SNX29: variants seen among roughly 807,000 people sequenced by gnomAD.
SNX29 encodes sorting nexin-29.
In SNX29, 78 loss-of-function variants were observed where a neutral mutation model predicts 102.1. The observed-to-expected ratio is 0.76, with a 90% CI of 0.64 to 0.92. The LOEUF (loss-of-function observed/expected upper bound fraction) is 0.92, where lower values mean the gene tolerates loss of function less well. Ranked by LOEUF, SNX29 falls within the 40% of genes least tolerant of loss-of-function variation. The pLI is 0.00. For missense variants in SNX29, 1,280 were observed against 1,061.7 expected (o/e 1.21, Z -2.86); for synonymous variants, 580 against 414.5 (o/e 1.40, Z -4.85).
chr16:12,519,800 G>T (rs975052727), intron 19 of SNX29, among the ~76,000 whole-genome samples: 2 of 152,102 alleles, frequency 1.3e-5, no homozygotes, highest in African/African-American at 4.8e-5. Flanking sequence ...CTGAGGGCAG[G>T]AGTTCGAGAC....
chr16:12,144,430 A>T (rs2054976900), intron 13 of SNX29, among the ~76,000 whole-genome samples: 1 of 152,214 alleles, frequency 6.6e-6, no homozygotes, highest in Non-Finnish European at 1.5e-5. Flanking sequence ...TTACCAAGCA[A>T]CAGTATAAAA....
chr16:12,202,693 ATCC>A (rs1245813653), intron 14 of SNX29, among the ~76,000 whole-genome samples: 1 of 152,100 alleles, frequency 6.6e-6, no homozygotes, highest in Non-Finnish European at 1.5e-5. Context: ...AGAGGAGGCG[ATCC>A]TCCTCCTCTC....
chr16:12,427,635 G>A (rs2085136040), intron 18 of SNX29, among the ~76,000 whole-genome samples: 1 of 152,198 alleles, frequency 6.6e-6, no homozygotes, highest in South Asian at 2.1e-4. Flanking sequence ...GCCATGCTTG[G>A]AGGTTAATAA....
intron 18 of SNX29, among the ~76,000 whole-genome samples, chr16:12,439,033 C>G (rs1011118543): frequency 2.6e-5 from 4 of 152,196 alleles, no homozygotes; most frequent in Non-Finnish European, 4.4e-5. Context: ...ACATGGCAGC[C>G]CGGGCTTCCA....
At chr16:12,529,249 C>T (rs896077733) in intron 20 of SNX29, among the ~76,000 whole-genome samples, 3 of 152,176 alleles carry the variant, frequency 2.0e-5, no homozygotes, top group African/African-American at 7.2e-5. Flanking sequence ...GAGTCTACTC[C>T]CCAAGACAAG....
chr16:12,261,932 C>T (rs9930511), intron 14 of SNX29, among the ~76,000 whole-genome samples: 64,773 of 99,808 alleles, frequency 0.65, 22,465 homozygotes, highest in African/African-American at 0.79. Context: ...GTTCCTGAGC[C>T]CAGGTCTGCA....
At chr16:12,055,803 C>T (rs2050496299) in intron 8 of SNX29, among the ~76,000 whole-genome samples, 1 of 152,222 alleles carries the variant, frequency 6.6e-6, no homozygotes, top group South Asian at 2.1e-4. Flanking sequence ...CTAATAGAAA[C>T]AGCTAGAATA....
chr16:12,390,280 C>G (rs1454797977), intron 16 of SNX29, among the ~76,000 whole-genome samples: 2 of 152,020 alleles, frequency 1.3e-5, no homozygotes, highest in African/African-American at 4.8e-5. Flanking sequence ...TGAGCTGGAC[C>G]AGCCTCTCTC....
intron 20 of SNX29, among the ~76,000 whole-genome samples, chr16:12,529,160 T>C (rs2076865558): frequency 6.6e-6 from 1 of 152,200 alleles, no homozygotes; most frequent in African/African-American, 2.4e-5. Context: ...AGCTCTGAAT[T>C]GGAAAGTAGG....
At chr16:12,149,655 G>A (rs2055216270) in intron 13 of SNX29, among the ~76,000 whole-genome samples, 1 of 152,124 alleles carries the variant, frequency 6.6e-6, no homozygotes, top group Admixed American at 6.5e-5. Flanking sequence ...GTGAGCCTCC[G>A]TGTTTAAAAA....
chr16:12,493,078 G>A (rs2151868574), intron 19 of SNX29, among the ~76,000 whole-genome samples: 1 of 152,288 alleles, frequency 6.6e-6, no homozygotes, highest in Non-Finnish European at 1.5e-5. Context: ...GAAAGTCATT[G>A]GTAGCTTGAT....
rs148827757 is a variant in SNX29 at position 12,436,957 on chromosome 16, T to G, written c.2037+33428T>G. On this transcript the variant is annotated intron_variant, in intron 18 of 20. Transcript: ENST00000566228. ...CATGAGCCACCACGCCCGGCCTCTT[T>G]CCTTGTCTTTGAACTTGAGGTATCG... 2.3e-3 allele frequency among the ~76,000 whole-genome samples: 343 copies of G among 152,336 alleles called. 2 individuals carry two copies. In the Middle Eastern group the frequency reaches 0.031, roughly 14 times the overall value.
chr16:12,067,846 A>T (rs1473256205), intron 9 of SNX29, among the ~76,000 whole-genome samples: 1 of 152,184 alleles, frequency 6.6e-6, no homozygotes, highest in Non-Finnish European at 1.5e-5. Context: ...TAATGTCACC[A>T]TGCAGCCCAA....
intron 18 of SNX29, among the ~76,000 whole-genome samples, chr16:12,471,895 A>G (rs1283839064): frequency 6.6e-6 from 1 of 152,232 alleles, no homozygotes; most frequent in African/African-American, 2.4e-5. Flanking sequence ...GGTCATGAAG[A>G]CATTCTACCA....
chr16:11,995,406 A>G (rs1041058527), intron 1 of SNX29, among the ~76,000 whole-genome samples: 16 of 152,056 alleles, frequency 1.1e-4, no homozygotes, highest in Admixed American at 1.0e-3. Context: ...TAAGTTGGCC[A>G]CAGCTGCCCC....
chr16:12,305,292 C>T (rs912744184), intron 15 of SNX29, among the ~76,000 whole-genome samples: 3 of 152,222 alleles, frequency 2.0e-5, no homozygotes, highest in Non-Finnish European at 4.4e-5. Flanking sequence ...AGGTTAGACT[C>T]AGGTGTTGCG....
chr16:12,160,792 A>C (rs1215573326), intron 13 of SNX29, among the ~76,000 whole-genome samples: 1 of 152,254 alleles, frequency 6.6e-6, no homozygotes, highest in African/African-American at 2.4e-5. Flanking sequence ...CTGAGCACTT[A>C]AAAACGTAAC....
chr16:12,141,071 A>T (rs1037424974), intron 13 of SNX29, among the ~76,000 whole-genome samples: 2 of 152,224 alleles, frequency 1.3e-5, no homozygotes, highest in Non-Finnish European at 1.5e-5. Context: ...CCTCCTTCTC[A>T]TGGATGAGTT....
intron 20 of SNX29, among the ~76,000 whole-genome samples, chr16:12,548,442 C>A (rs1056654445): frequency 3.9e-5 from 6 of 152,200 alleles, no homozygotes; most frequent in South Asian, 2.1e-4. Context: ...ATCCCTGTAC[C>A]ATGGCATCTG....
Sources: gnomAD v4.1 joint callset for allele counts (sites outside exome capture counted in the v4.1 genomes callset) on GRCh38, gnomAD v4.1.1 for gene constraint, MANE v1.5 for transcripts, NCBI Gene and HGNC (gene_info 2026-07-23, HGNC 2026-07-21) for gene names.